The following EYS variants were observed in gnomAD, a reference collection of about 807,000 sequenced individuals.
The protein encoded by EYS is EGF-like photoreceptor maintenance factor, also known as protein eyes shut homolog.
Under a neutral mutation model 282.1 loss-of-function variants are expected in EYS, and 250 were observed. The ratio of observed to expected loss-of-function variants is 0.89; its 90% CI spans 0.80 to 0.98. EYS has a LOEUF of 0.98. EYS is among the 50% of genes least tolerant of loss of function. EYS has a pLI of 0.00. For missense variants in EYS, 4,016 were observed against 3,709.0 expected (o/e 1.08, Z -2.15); for synonymous variants, 1,355 against 1,282.9 (o/e 1.06, Z -1.20).
rs150214087 is a variant in EYS at position 65,188,286 on chromosome 6, A to G, written c.2023+107577T>C. On this transcript the variant is annotated intron_variant, in intron 12 of 42. Coordinates refer to ENST00000503581, the MANE Select transcript of EYS (RefSeq NM_001142800.2). ...ATGCTAATAATGAGACTGTCAATAT[A>G]TAAACTATAAAAGTTAATGGAAATA... is the stretch of plus-strand genomic sequence containing the variant. 1.9e-3 allele frequency among the ~76,000 whole-genome samples: 286 copies of G among 151,906 alleles called. 1 individual carries two copies. The highest frequency in any genetic ancestry group is 6.6e-3 in the African/African-American group (275 of 41,530).
chr6:64,109,638 A>T (rs1269262722), intron 31 of EYS, among the ~76,000 whole-genome samples: 1 of 152,106 alleles, frequency 6.6e-6, no homozygotes, highest in Non-Finnish European at 1.5e-5. Flanking sequence ...AATGCCTCAC[A>T]TGCAAGGAGA....
chr6:65,602,466 T>C (rs1381478598), intron 2 of EYS, among the ~76,000 whole-genome samples: 2 of 151,946 alleles, frequency 1.3e-5, no homozygotes, highest in South Asian at 2.1e-4. Context: ...ATTCCACAAA[T>C]GTTTTCTCCA....
At chr6:63,866,990 C>T (rs1385871968) in intron 35 of EYS, among the ~76,000 whole-genome samples, 1 of 152,156 alleles carries the variant, frequency 6.6e-6, no homozygotes, top group Non-Finnish European at 1.5e-5. Flanking sequence ...TTTCTCCTAT[C>T]CAGATCTTGT....
chr6:64,328,961 C>T (rs774526186), intron 29 of EYS, among the ~76,000 whole-genome samples: 1 of 152,086 alleles, frequency 6.6e-6, no homozygotes, highest in African/African-American at 2.4e-5. Flanking sequence ...ATAAAGGCAA[C>T]AATCAGGGAC....
Position 65,027,925 on chromosome 6 carries a change from T to G in EYS, c.2137+29689A>C, listed in dbSNP as rs1203176452. 3.3e-5 allele frequency among the ~76,000 whole-genome samples: 5 copies of G among 152,176 alleles called. No individual in the cohort carries two copies. In the East Asian group the frequency reaches 9.6e-4, roughly 29 times the overall value. On this transcript the variant is annotated intron_variant, in intron 13 of 42. Coordinates refer to ENST00000503581, the MANE Select transcript of EYS (RefSeq NM_001142800.2). ...ATCTTTATTTCACTTGAGTAAATAC[T>G]TGATTGCTGGATTGTATGGTAAAGT...
intron 1 of EYS, among the ~76,000 whole-genome samples, chr6:65,685,023 G>A (rs1768965482): frequency 1.3e-5 from 2 of 151,930 alleles, no homozygotes; most frequent in Non-Finnish European, 2.9e-5. Flanking sequence ...ATGGCCTGAG[G>A]AGATGATGCG....
intron 1 of EYS, among the ~76,000 whole-genome samples, chr6:65,649,215 T>G (rs566138579): frequency 2.6e-5 from 4 of 152,152 alleles, no homozygotes; most frequent in African/African-American, 9.6e-5. Flanking sequence ...ACCCAACTAT[T>G]TTCTATGATT....
At chr6:63,775,084 A>G (rs1459224597) in intron 40 of EYS, among the ~76,000 whole-genome samples, 1 of 152,168 alleles carries the variant, frequency 6.6e-6, no homozygotes, top group Non-Finnish European at 1.5e-5. Flanking sequence ...CAGGAGCATA[A>G]AGGCCTGAAA....
At chr6:64,866,052 C>T (rs1766416526) in intron 19 of EYS, among the ~76,000 whole-genome samples, 1 of 151,920 alleles carries the variant, frequency 6.6e-6, no homozygotes, top group Non-Finnish European at 1.5e-5. Context: ...GATTTATTAC[C>T]AGAAACTACT....
At chr6:63,848,148 G>A (rs765152266) in intron 36 of EYS, among the ~76,000 whole-genome samples, 28 of 151,988 alleles carry the variant, frequency 1.8e-4, no homozygotes, top group South Asian at 4.1e-4. Flanking sequence ...TAAAATGCCC[G>A]TAAAACATAC....
At chr6:64,860,459 C>A (rs1003690158) in intron 19 of EYS, among the ~76,000 whole-genome samples, 2 of 152,204 alleles carry the variant, frequency 1.3e-5, no homozygotes, top group Admixed American at 6.5e-5. Flanking sequence ...CTCCAGGCAC[C>A]AGCACTGGTG....
chr6:64,972,246 T>C (rs959051027), intron 14 of EYS, among the ~76,000 whole-genome samples: 1 of 152,146 alleles, frequency 6.6e-6, no homozygotes, highest in African/African-American at 2.4e-5. Context: ...TTGCTCAACG[T>C]TGGTTTTGAT....
chr6:65,383,626 T>C (rs1172796931), intron 8 of EYS, among the ~76,000 whole-genome samples: 1 of 151,766 alleles, frequency 6.6e-6, no homozygotes, highest in East Asian at 1.9e-4. Context: ...GGAAGTTCCC[T>C]TTGTACTCTC....
chr6:64,507,199 G>A (rs1009798315), intron 26 of EYS, among the ~76,000 whole-genome samples: 3 of 151,584 alleles, frequency 2.0e-5, no homozygotes, highest in African/African-American at 7.3e-5. Flanking sequence ...TTTTTTTATT[G>A]TTATACTTTA....
chr6:65,276,927 A>G (rs1052418815), intron 12 of EYS, among the ~76,000 whole-genome samples: 1 of 152,136 alleles, frequency 6.6e-6, no homozygotes, highest in Non-Finnish European at 1.5e-5. Flanking sequence ...TGTCTCTCTT[A>G]TTTCCTGGTC....
intron 22 of EYS, among the ~76,000 whole-genome samples, chr6:64,679,511 T>C (rs1342937954): frequency 2.0e-5 from 3 of 152,188 alleles, no homozygotes; most frequent in Non-Finnish European, 1.5e-5. Context: ...ATGCATACAT[T>C]GATTCTATCT....
Position 65,038,951 on chromosome 6 carries a change from T to C in EYS, c.2137+18663A>G, listed in dbSNP as rs140600013. ...TATTCTGCTTTATGTCCTGGGTATG[T>C]GTTTGTAAGTATTTTCTCTCATGCT... On this transcript the variant is annotated intron_variant, in intron 13 of 42. Transcript: ENST00000503581. 5.3e-3 allele frequency among the ~76,000 whole-genome samples: 805 copies of C among 151,676 alleles called. 8 individuals are homozygous for C. The highest frequency in any genetic ancestry group is 0.018 in the African/African-American group (747 of 41,526).
intron 15 of EYS, among the ~76,000 whole-genome samples, chr6:64,944,414 C>T (rs1005798210): frequency 9.9e-5 from 15 of 152,050 alleles, no homozygotes; most frequent in African/African-American, 3.6e-4. Context: ...AAACTATCAA[C>T]AGAGTAAACA....
chr6:64,006,728 G>A (rs1228357220), intron 33 of EYS, among the ~76,000 whole-genome samples: 1 of 152,062 alleles, frequency 6.6e-6, no homozygotes, highest in African/African-American at 2.4e-5. Context: ...TTTATCGAAA[G>A]CCTTTTCTGC....
Sources: allele counts gnomAD v4.1 joint callset (sites outside exome capture counted in the v4.1 genomes callset), GRCh38; gene constraint gnomAD v4.1.1; transcripts MANE v1.5; gene names NCBI Gene and HGNC (gene_info 2026-07-23, HGNC 2026-07-21).